MAST3: variants seen among roughly 807,000 people sequenced by gnomAD.
MAST3 encodes microtubule-associated serine/threonine-protein kinase 3.
A neutral mutation model predicts 127.0 loss-of-function variants in MAST3; 43 were observed. The ratio of observed to expected loss-of-function variants is 0.34; its 90% CI spans 0.27 to 0.44. The LOEUF is 0.44. Among genes scored for constraint, MAST3 ranks in the 20% least tolerant of loss-of-function variants. The pLI, the probability that MAST3 is intolerant of heterozygous loss-of-function variation, is 1.00. For synonymous variants in MAST3, 785 were observed against 809.2 expected, an observed-to-expected ratio of 0.97 and a Z score of 0.51; for missense variants, 1,390 against 1,919.1, an observed-to-expected ratio of 0.72 and a Z score of 5.15.
At position 18,124,135 on chromosome 19, in the gene MAST3, G is replaced by A. The variant is rs750509811; in HGVS notation, c.830G>A (p.Arg277Gln). 6 of 1,609,918 alleles carry A rather than the reference G, an allele frequency of 3.7e-6. No homozygotes were observed. Among genetic ancestry groups the A allele is most frequent in the Non-Finnish European group, 5.1e-6 (6 of 1,178,360 alleles). ...YFLEMQEKLERLLQDAHERSD... is the reference protein window; with the variant it reads ...YFLEMQEKLEQLLQDAHERSD... Reference sequence around the variant, plus strand: ...CTAGAGATGCAGGAGAAGCTGGAGCGGCTTCTGCAGGATGTGCGTGGTTTT... The same window carrying A: ...CTAGAGATGCAGGAGAAGCTGGAGCAGCTTCTGCAGGATGTGCGTGGTTTT... Residue 277 changes from arginine (R) to glutamine (Q), a missense_variant, in exon 9 of 28, where the codon CGG becomes CAG. Arg to Gln is a conservative substitution (Grantham distance 43). This residue lies in a region of MAST3 where 277 missense variants were observed against 384.8 expected (regional missense o/e 0.72). Transcript: ENST00000687212.
intron 1 of MAST3, among the ~76,000 whole-genome samples, chr19:18,104,747 C>T (rs1434210740): frequency 1.3e-5 from 2 of 152,274 alleles, no homozygotes; most frequent in Admixed American, 1.3e-4. Flanking sequence ...CCTAAGTTTC[C>T]CTGCCAGTAA....
At chr19:18,146,789 G>A in intron 25 of MAST3, 92 bp from the exon 26 acceptor site, 1 of 1,295,094 alleles carries the variant, frequency 7.7e-7, no homozygotes, top group Non-Finnish European at 1.1e-6. Context: ...GGTCCCAGCT[G>A]GTGCCCGGAG....
At chr19:18,140,196 A>G (rs112164431) in intron 20 of MAST3, among the ~76,000 whole-genome samples, 1 of 150,284 alleles carries the variant, frequency 6.7e-6, no homozygotes, top group Non-Finnish European at 1.5e-5. Context: ...CCTGACTAAC[A>G]TGGTGAAGCC....
intron 12 of MAST3, 89 bp from the exon 13 acceptor site, chr19:18,128,777 C>A: frequency 9.9e-7 from 1 of 1,008,366 alleles, no homozygotes; most frequent in Non-Finnish European, 1.5e-6. Context: ...TAGCATCGGG[C>A]ACCAGGACCA....
At chr19:18,100,050 T>A (rs1026248662) in intron 1 of MAST3, among the ~76,000 whole-genome samples, 5 of 150,980 alleles carry the variant, frequency 3.3e-5, no homozygotes, top group Admixed American at 6.6e-5. Context: ...AAAGTCTAAG[T>A]GTACCAGGTG....
chr19:18,128,285 G>C (rs1250118482), intron 11 of MAST3, 115 bp from the exon 12 acceptor site: 1 of 739,178 alleles, frequency 1.4e-6, no homozygotes, highest in African/African-American at 1.7e-5. Context: ...GAGCTGGTCA[G>C]GGGAGGCACT....
rs765036346 is a variant in MAST3, at chr19:18,123,381, C to T, written c.557+7C>T. On this transcript the variant is annotated splice_region_variant and intron_variant, in intron 7 of 27. Coordinates refer to ENST00000687212, the MANE Select transcript of MAST3 (RefSeq NM_001393504.1). ...CCCGCTCTCGCAGTCTCAGGTGGGC[C>T]GCGACCTCTGGCCCCAGCCCCGGCC... 1.9e-5 allele frequency: 30 copies of T among 1,607,474 alleles called. No homozygotes were observed. Among genetic ancestry groups the T allele is most frequent in the South Asian group, 1.4e-4 (13 of 90,522 alleles).
At chr19:18,123,420 G>T in intron 7 of MAST3, 46 bp downstream of exon 7, 1 of 1,564,186 alleles carries the variant, frequency 6.4e-7, no homozygotes, top group Non-Finnish European at 8.7e-7. Context: ...CCCTGGGCTG[G>T]TGTGGAGGCC....
chr19:18,137,453 C>A, intron 19 of MAST3, 92 bp downstream of exon 19: 3 of 1,407,032 alleles, frequency 2.1e-6, no homozygotes, highest in Admixed American at 2.0e-5. Context: ...GCATTCCACC[C>A]GAGCTTGGCA....
At position 18,141,954 on chromosome 19, in the gene MAST3, C is replaced by G. The variant is rs772600136; in HGVS notation, c.2278C>G (p.Arg760Gly). The change falls in exon 21 of 28, where the codon CGG becomes GGG. Residue 760 changes from arginine (R) to glycine (G), a missense_variant. By Grantham distance (125) the Arg-to-Gly change is moderately radical (BLOSUM62 -2). This residue lies in a region of MAST3 where 816 missense variants were observed against 934.1 expected (regional missense o/e 0.87). Transcript: ENST00000687212. ...TFAERSFSED[R>G]EEGWERSEVD... is the part of the protein sequence containing the mutation. ...CGCTGAAAGGAGCTTCAGTGAAGAC[C>G]GGGAGGAGGGGTGGGAGCGCAGCGA... is the stretch of plus-strand genomic sequence containing the variant. 6.4e-7 allele frequency: 1 copy of G among 1,557,274 alleles called. No individual in the cohort carries two copies. Among genetic ancestry groups the G allele is most frequent in the South Asian group, 1.2e-5 (1 of 81,480 alleles).
At chr19:18,124,200 A>G (rs1354463986) in intron 9 of MAST3, 52 bp downstream of exon 9, 1 of 1,590,432 alleles carries the variant, frequency 6.3e-7, no homozygotes, top group Admixed American at 1.8e-5. Flanking sequence ...ACGTGGAGTG[A>G]GGGGGGTCCC....
intron 1 of MAST3, among the ~76,000 whole-genome samples, chr19:18,103,984 G>A (rs1471141731): frequency 6.6e-6 from 1 of 151,914 alleles, no homozygotes; most frequent in Non-Finnish European, 1.5e-5. Context: ...GGCCAAGGCA[G>A]GTGGATCACT....
In MAST3 at chr19:18,147,046, T is replaced by G; in HGVS notation, c.3326+2T>G. 1 of 1,549,564 alleles carries G rather than the reference T, an allele frequency of 6.5e-7. No individual in the cohort carries two copies. The highest frequency in any genetic ancestry group is 1.2e-5 in the South Asian group (1 of 84,394). ...CGCGGCAGTGACCACCAGGGAGCGG[T>G]ACACAGGGGGCGGGGCCACGGGGAC... On this transcript the variant is annotated splice_donor_variant, in intron 26 of 27. Transcript: ENST00000687212. LOFTEE classifies it high-confidence loss of function.
chr19:18,146,877 G>T lies in MAST3; in HGVS notation c.3163-4G>T, dbSNP rs536401120. ...GAGGCAACCCCTCACCATCCCTCCC[G>T]CAGAGCGGCAACAAGATATCCCTGC... On this transcript the variant is annotated splice_polypyrimidine_tract_variant and splice_region_variant and intron_variant, in intron 25 of 27. Coordinates refer to ENST00000687212, the MANE Select transcript of MAST3 (RefSeq NM_001393504.1). 18 of 1,549,276 alleles carry T rather than the reference G, an allele frequency of 1.2e-5. No individual in the cohort carries two copies. The Admixed American group carries it at 1.2e-4, about 10-fold the overall frequency.
At chr19:18,138,939 C>G (rs1185679176) in intron 19 of MAST3, 76 bp from the exon 20 acceptor site, 1 of 985,982 alleles carries the variant, frequency 1.0e-6, no homozygotes, top group African/African-American at 1.6e-5. Context: ...CTGAGATGCC[C>G]TCCCCGTATT....
chr19:18,146,733 T>G, intron 25 of MAST3, 148 bp from the exon 26 acceptor site: 1 of 672,506 alleles, frequency 1.5e-6, no homozygotes, highest in Non-Finnish European at 2.5e-6. Context: ...ACCGGATATA[T>G]TGGGTAGGTC....
At chr19:18,099,819 T>C (rs2037411921) in intron 1 of MAST3, among the ~76,000 whole-genome samples, 1 of 152,238 alleles carries the variant, frequency 6.6e-6, no homozygotes, top group Admixed American at 6.5e-5. Context: ...AACCTATTTC[T>C]TAGCACTAGA....
chr19:18,118,528 C>G (rs1021301054), intron 3 of MAST3, among the ~76,000 whole-genome samples: 1 of 152,110 alleles, frequency 6.6e-6, no homozygotes, highest in African/African-American at 2.4e-5. Context: ...GGATTTGAAC[C>G]CGGGTGTCCA....
intron 3 of MAST3, among the ~76,000 whole-genome samples, chr19:18,117,276 C>T (rs916225421): frequency 3.3e-5 from 5 of 152,182 alleles, no homozygotes; most frequent in African/African-American, 4.8e-5. Flanking sequence ...ACCAGGTGCC[C>T]TTGGAAGCGC....
Sources: gnomAD v4.1 joint callset for allele counts (sites outside exome capture counted in the v4.1 genomes callset) on GRCh38, gnomAD v4.1.1 for gene constraint, gnomAD v4.1.1 regional missense constraint, MANE v1.5 for transcripts, NCBI Gene and HGNC (gene_info 2026-07-23, HGNC 2026-07-21) for gene names.